The following AATF variants were observed in gnomAD, a reference collection of about 807,000 sequenced individuals.
AATF encodes protein AATF.
A neutral mutation model predicts 63.7 loss-of-function variants in AATF; 48 were observed. The observed-to-expected ratio is 0.75, with a 90% CI of 0.60 to 0.96. The LOEUF is 0.96. Ranked by LOEUF, AATF falls within the 40% of genes least tolerant of loss-of-function variation. The pLI is 0.00. For synonymous variants in AATF, 258 were observed against 247.7 expected (o/e 1.04, Z -0.39); for missense variants, 639 against 685.7 (o/e 0.93, Z 0.76).
At chr17:37,001,427 GGAAGGAAGGAAGGAAGGAAGGAAGGAAGA>G (rs2142263642) in intron 8 of AATF, among the ~76,000 whole-genome samples, 1 of 112,026 alleles carries the variant, frequency 8.9e-6, no homozygotes, top group African/African-American at 4.2e-5. Flanking sequence ...AAGGAAGGAA[GGAAGGAAGGAAGGAAGGAAGGAAGGAAGA>G]AAAAAAAAAA....
intron 8 of AATF, among the ~76,000 whole-genome samples, chr17:37,015,318 A>G (rs1053722506): frequency 3.9e-5 from 6 of 152,220 alleles, no homozygotes; most frequent in Non-Finnish European, 8.8e-5. Flanking sequence ...ATAGTAAAAT[A>G]CCACAGACTA....
chr17:37,048,859 T>A (rs1872560582), intron 11 of AATF, among the ~76,000 whole-genome samples: 1 of 152,184 alleles, frequency 6.6e-6, no homozygotes, highest in Non-Finnish European at 1.5e-5. Flanking sequence ...AAGTCACTGA[T>A]ACCGAGTAGG....
chr17:36,953,069 AC>A lies in AATF; in HGVS notation c.468del (p.Phe157LeufsTer53). 6.2e-7 allele frequency: 1 copy of A among 1,614,148 alleles called. No homozygotes were observed. The highest frequency in any genetic ancestry group is 8.5e-7 in the Non-Finnish European group (1 of 1,180,024). On this transcript the variant is annotated frameshift_variant, in exon 3 of 12. Coordinates refer to ENST00000619387, the MANE Select transcript of AATF (RefSeq NM_012138.4). LOFTEE classifies it high-confidence loss of function. ...TPGFSVQSIS[D>X]FEKFTKGMDD... The stretch of plus-strand genomic sequence containing the variant: ...GGCTTCAGTGTCCAGAGTATCAGTG[AC>A]TTTGAGAAATTTACCAAGGGAATGG...
rs759033228 is a variant in AATF at position 37,033,537 on chromosome 17, A to G, written c.1619+1852A>G. 2.6e-5 allele frequency among the ~76,000 whole-genome samples: 4 copies of G among 152,220 alleles called. No homozygotes were observed. The East Asian group carries it at 5.8e-4, about 22-fold the overall frequency. ...GTGTACTTAGTTTTTCCAGAATCTTACCAATATTAACTCCTAATTTTTGAA... is the reference window on the plus strand; with the variant it reads ...GTGTACTTAGTTTTTCCAGAATCTTGCCAATATTAACTCCTAATTTTTGAA... On this transcript the variant is annotated intron_variant, in intron 11 of 11. Coordinates refer to ENST00000619387, the MANE Select transcript of AATF (RefSeq NM_012138.4).
At chr17:37,038,929 CTGCCACGTTGTTCTTGAGA>C (rs1399358939) in intron 11 of AATF, among the ~76,000 whole-genome samples, 2 of 152,210 alleles carry the variant, frequency 1.3e-5, no homozygotes, top group African/African-American at 4.8e-5. Context: ...GTCAACATCA[CTGCCACGTTGTTCTTGAGA>C]TGCCCTGGTA....
chr17:36,989,504 A>C, intron 7 of AATF, 93 bp downstream of exon 7: 1 of 1,289,308 alleles, frequency 7.8e-7, no homozygotes, highest in Non-Finnish European at 1.0e-6. Context: ...TTTATATAAG[A>C]GGTTAGTGAG....
intron 11 of AATF, among the ~76,000 whole-genome samples, chr17:37,041,456 C>G (rs920897848): frequency 7.2e-5 from 11 of 152,144 alleles, no homozygotes; most frequent in South Asian, 4.1e-4. Context: ...TCTTTTCTTT[C>G]CAGCTGAGGC....
intron 4 of AATF, among the ~76,000 whole-genome samples, chr17:36,970,996 ACT>A (rs1029075597): frequency 2.0e-5 from 3 of 152,124 alleles, no homozygotes; most frequent in African/African-American, 4.8e-5. Flanking sequence ...ATGGGAGAAA[ACT>A]CTATGTCATT....
chr17:36,948,980 A>G lies in AATF; in HGVS notation c.-146A>G. ...CGCCTCCCGGAAGTGGCCGGTCCAG[A>G]GCTGTGGGGTGGCCTCCGCGCGGTC... On this transcript the variant is annotated 5_prime_UTR_variant, in exon 1 of 12. Coordinates refer to ENST00000619387, the MANE Select transcript of AATF (RefSeq NM_012138.4). 2.8e-6 allele frequency: 2 copies of G among 719,842 alleles called. No homozygotes were observed. Among genetic ancestry groups the G allele is most frequent in the Non-Finnish European group, 4.6e-6 (2 of 436,328 alleles). 44.6% of individuals were successfully genotyped at this position (719,842 alleles called of 1,614,324 possible). A position where few individuals can be genotyped will look rare whatever the true frequency, so the allele number is the denominator to read the frequency against.
intron 8 of AATF, among the ~76,000 whole-genome samples, chr17:37,014,259 C>T (rs545274413): frequency 1.4e-5 from 2 of 138,970 alleles, no homozygotes; most frequent in Non-Finnish European, 3.0e-5. Context: ...CAGAGCAAGA[C>T]TGTCTTAGTA....
At chr17:36,985,118 T>G (rs1368312508) in intron 4 of AATF, among the ~76,000 whole-genome samples, 1 of 152,076 alleles carries the variant, frequency 6.6e-6, no homozygotes, top group African/African-American at 2.4e-5. Flanking sequence ...GCCAGGCTGG[T>G]CTCGATCTCC....
At chr17:36,964,137 G>A (rs371543617) in intron 4 of AATF, among the ~76,000 whole-genome samples, 27 of 151,432 alleles carry the variant, frequency 1.8e-4, no homozygotes, top group African/African-American at 6.1e-4. Flanking sequence ...GGCATTGGAT[G>A]GTGAAGGATG....
At chr17:37,037,011 T>G (rs937759468) in intron 11 of AATF, among the ~76,000 whole-genome samples, 1 of 97,630 alleles carries the variant, frequency 1.0e-5, no homozygotes, top group African/African-American at 3.8e-5. Context: ...CATCTTTTTG[T>G]TTTTTTTTTT....
chr17:36,970,541 CTTTTTTT>C (rs773737841), intron 4 of AATF, among the ~76,000 whole-genome samples: 31 of 87,004 alleles, frequency 3.6e-4, no homozygotes, highest in East Asian at 1.5e-3. Context: ...TTTCTTTTTT[CTTTTTTT>C]TTTTTTTTTT....
At chr17:37,049,983 G>A (rs746542539) in intron 11 of AATF, among the ~76,000 whole-genome samples, 7 of 152,112 alleles carry the variant, frequency 4.6e-5, no homozygotes, top group Admixed American at 1.3e-4. Context: ...TTGGAGCTTT[G>A]GCAAATGGAG....
chr17:36,968,266 C>CTTTT lies in AATF; in HGVS notation c.832+14362_832+14363insTTTT, dbSNP rs2071009164. Among the ~76,000 whole-genome samples, 91 of 75,560 alleles carry CTTTT rather than the reference C, an allele frequency of 1.2e-3. 9 individuals are homozygous for CTTTT. The highest frequency in any genetic ancestry group is 4.7e-3 in the African/African-American group (87 of 18,482). 49.6% of individuals were successfully genotyped at this position (75,560 alleles called of 152,430 possible). ...CTTTTTTCTTTTTCTTTCTTTCCTT[C>CTTTT]TTTCTTTTTTTTTTTTTTTTTTTTT... is the stretch of plus-strand genomic sequence containing the variant. On this transcript the variant is annotated intron_variant, in intron 4 of 11. Transcript: ENST00000619387.
At chr17:36,955,293 A>G (rs1439640801) in intron 4 of AATF, among the ~76,000 whole-genome samples, 1 of 152,118 alleles carries the variant, frequency 6.6e-6, no homozygotes, top group African/African-American at 2.4e-5. Context: ...GTAGGTGAAT[A>G]CCTGATGTAA....
chr17:37,025,024 G>A (rs2071500718), intron 10 of AATF, among the ~76,000 whole-genome samples: 1 of 152,146 alleles, frequency 6.6e-6, no homozygotes, highest in South Asian at 2.1e-4. Context: ...AGCAAGGCCT[G>A]GAAGGAATAG....
At chr17:36,950,503 C>T (rs1476709355) in intron 2 of AATF, 98 bp downstream of exon 2, 14 of 1,245,250 alleles carry the variant, frequency 1.1e-5, no homozygotes, top group African/African-American at 3.0e-5. Flanking sequence ...GAGTAGTCTG[C>T]GGATCTTTTT....
Sources: gnomAD v4.1 joint callset for allele counts (sites outside exome capture counted in the v4.1 genomes callset) on GRCh38, gnomAD v4.1.1 for gene constraint, MANE v1.5 for transcripts, NCBI Gene and HGNC (gene_info 2026-07-23, HGNC 2026-07-21) for gene names.